Variants in MACROD2 observed in about 807,000 individuals in gnomAD.
MACROD2 encodes the protein mono-ADP ribosylhydrolase 2, also known as ADP-ribose glycohydrolase MACROD2.
In MACROD2, 36 loss-of-function variants were observed where a neutral mutation model predicts 70.4. That is an observed-to-expected ratio of 0.51 (90% CI 0.39 to 0.68). MACROD2 has a LOEUF of 0.68. MACROD2 is among the 30% of genes least tolerant of loss of function. The pLI, the probability that MACROD2 is intolerant of heterozygous loss-of-function variation, is 0.00. For synonymous variants in MACROD2, 172 were observed against 178.8 expected (o/e 0.96, Z 0.30); for missense variants, 496 against 538.4 (o/e 0.92, Z 0.78).
At chr20:15,478,322 G>T (rs1279707540) in intron 7 of MACROD2, among the ~76,000 whole-genome samples, 5 of 152,156 alleles carry the variant, frequency 3.3e-5, no homozygotes, top group African/African-American at 1.2e-4. Context: ...CTTTCTATCG[G>T]TTCTGGCTTG....
intron 5 of MACROD2, among the ~76,000 whole-genome samples, chr20:14,937,102 G>A (rs1874076602): frequency 2.0e-5 from 3 of 152,206 alleles, no homozygotes; most frequent in South Asian, 4.2e-4. Flanking sequence ...GAAGGTGGTC[G>A]GGACCAAGCC....
chr20:15,618,927 C>T (rs964244723), intron 8 of MACROD2, among the ~76,000 whole-genome samples: 5 of 152,086 alleles, frequency 3.3e-5, no homozygotes, highest in African/African-American at 9.7e-5. Flanking sequence ...GATAATTTGG[C>T]GGGTGGAGGA....
intron 3 of MACROD2, among the ~76,000 whole-genome samples, chr20:14,092,847 G>A (rs2054169809): frequency 1.3e-5 from 2 of 152,158 alleles, no homozygotes; most frequent in African/African-American, 4.8e-5. Context: ...TACTACTGCT[G>A]TCTTTTCTGA....
chr20:15,096,696 G>T (rs1398013665), intron 5 of MACROD2, among the ~76,000 whole-genome samples: 1 of 151,192 alleles, frequency 6.6e-6, no homozygotes, highest in Non-Finnish European at 1.5e-5. Flanking sequence ...ATTTTTAGTA[G>T]AAACAAGCTT....
In MACROD2 at chr20:14,497,518, G is replaced by A. The variant is rs568392298; in HGVS notation, c.301+4010G>A. On this transcript the variant is annotated intron_variant, in intron 4 of 17. Coordinates refer to ENST00000684519, the MANE Select transcript of MACROD2 (RefSeq NM_001351661.2). ...ATTATATAATAGGAACAAAATTTACGGTCTCTTACTTTAGATAATATCTTT... is the reference window on the plus strand; with the variant it reads ...ATTATATAATAGGAACAAAATTTACAGTCTCTTACTTTAGATAATATCTTT... Among the ~76,000 whole-genome samples, 7 of 151,576 alleles carry A rather than the reference G, an allele frequency of 4.6e-5. 1 individual carries two copies. In the South Asian group the frequency reaches 6.2e-4, roughly 14 times the overall value.
chr20:14,852,802 AACC>A (rs2073213048), intron 5 of MACROD2, among the ~76,000 whole-genome samples: 1 of 152,186 alleles, frequency 6.6e-6, no homozygotes, highest in Non-Finnish European at 1.5e-5. Flanking sequence ...TAGGTTGGGA[AACC>A]ACCCATGCCC....
At position 15,797,863 on chromosome 20, in the gene MACROD2, A is replaced by G. The variant is rs114273719; in HGVS notation, c.646-64882A>G. ...TCTGGACTAGGGCTCAACAATGTGC[A>G]TTTCTAACAAGTTCCCAAGTGATAG... On this transcript the variant is annotated intron_variant, in intron 8 of 17. Coordinates refer to ENST00000684519, the MANE Select transcript of MACROD2 (RefSeq NM_001351661.2). Among the ~76,000 whole-genome samples the G allele has an allele frequency of 1.9e-3, 286 of 152,334 alleles. 3 individuals are homozygous for G. The highest frequency in any genetic ancestry group is 6.1e-3 in the African/African-American group (255 of 41,580).
At chr20:14,718,971 C>T (rs565882381) in intron 5 of MACROD2, among the ~76,000 whole-genome samples, 5 of 152,180 alleles carry the variant, frequency 3.3e-5, no homozygotes, top group South Asian at 4.2e-4. Context: ...TGGTGGCTCA[C>T]GTCTGTAATC....
chr20:14,000,739 A>G (rs1348707943), intron 1 of MACROD2, among the ~76,000 whole-genome samples: 1 of 152,202 alleles, frequency 6.6e-6, no homozygotes, highest in African/African-American at 2.4e-5. Flanking sequence ...AATTATTTGC[A>G]TGTTTTCCTG....
intron 3 of MACROD2, among the ~76,000 whole-genome samples, chr20:14,466,324 A>C (rs913335149): frequency 3.3e-5 from 5 of 151,728 alleles, no homozygotes; most frequent in Non-Finnish European, 7.4e-5. Context: ...AGTTGATTGC[A>C]TTGGTTACTG....
At chr20:14,826,263 C>T (rs1233104228) in intron 5 of MACROD2, among the ~76,000 whole-genome samples, 2 of 151,726 alleles carry the variant, frequency 1.3e-5, no homozygotes, top group Admixed American at 6.6e-5. Context: ...CCCACAATAC[C>T]CATGCATTGA....
intron 3 of MACROD2, among the ~76,000 whole-genome samples, chr20:14,363,346 C>T (rs1297583883): frequency 6.6e-6 from 1 of 151,948 alleles, no homozygotes; most frequent in Non-Finnish European, 1.5e-5. Context: ...ATAGCTTGCC[C>T]CACTGAGAAG....
At chr20:16,033,325 A>G (rs920395319) in intron 15 of MACROD2, among the ~76,000 whole-genome samples, 2 of 152,142 alleles carry the variant, frequency 1.3e-5, no homozygotes, top group Non-Finnish European at 2.9e-5. Context: ...CCGAAAAGCA[A>G]CAGTGCTTTC....
chr20:15,650,001 T>C (rs2049619752), intron 8 of MACROD2, among the ~76,000 whole-genome samples: 1 of 152,214 alleles, frequency 6.6e-6, no homozygotes, highest in East Asian at 1.9e-4. Flanking sequence ...TTAAAAATAA[T>C]AATTCACTAT....
At chr20:16,021,215 G>A (rs775102) in intron 15 of MACROD2, among the ~76,000 whole-genome samples, 142,781 of 152,254 alleles carry the variant, frequency 0.94, 67,344 homozygotes, top group Non-Finnish European at 1. Flanking sequence ...TACTCAGAAC[G>A]TGAGTAGCAA....
chr20:14,309,823 A>G (rs1485684293), intron 3 of MACROD2, among the ~76,000 whole-genome samples: 1 of 152,290 alleles, frequency 6.6e-6, no homozygotes, highest in Middle Eastern at 3.4e-3. Flanking sequence ...ATAATGAACT[A>G]TGTTGAAAAC....
chr20:14,585,254 ATT>A (rs1317609820), intron 4 of MACROD2, among the ~76,000 whole-genome samples: 1 of 152,166 alleles, frequency 6.6e-6, no homozygotes, highest in Non-Finnish European at 1.5e-5. Flanking sequence ...ATAAAAACAT[ATT>A]GTTTTTTACT....
chr20:14,705,326 C>T (rs1028444967), intron 5 of MACROD2, among the ~76,000 whole-genome samples: 1 of 152,012 alleles, frequency 6.6e-6, no homozygotes, highest in Non-Finnish European at 1.5e-5. Context: ...GAGCCAGGAA[C>T]TCTTTTTTTA....
At chr20:14,656,085 A>C (rs1647862080) in intron 4 of MACROD2, among the ~76,000 whole-genome samples, 1 of 152,222 alleles carries the variant, frequency 6.6e-6, no homozygotes, top group Non-Finnish European at 1.5e-5. Flanking sequence ...TAGCTAAGTA[A>C]GAGCAAAGGC....
Sources: gnomAD v4.1 joint callset for allele counts (sites outside exome capture counted in the v4.1 genomes callset) on GRCh38, gnomAD v4.1.1 for gene constraint, MANE v1.5 for transcripts, NCBI Gene and HGNC (gene_info 2026-07-23, HGNC 2026-07-21) for gene names.